Variants in AGBL1 observed in about 807,000 individuals in gnomAD.
AGBL1 encodes the protein AGBL carboxypeptidase 1.
A neutral mutation model predicts 118.9 loss-of-function variants in AGBL1; 130 were observed. The ratio of observed to expected loss-of-function variants is 1.09; its 90% CI spans 0.95 to 1.26. The LOEUF is 1.26. Among genes scored for constraint, AGBL1 ranks in the 50% most tolerant of loss-of-function variants. The pLI is 0.00. For synonymous variants in AGBL1, 555 were observed against 478.9 expected (o/e 1.16, Z -2.08); for missense variants, 1,584 against 1,298.1 (o/e 1.22, Z -3.38).
intron 7 of AGBL1, among the ~76,000 whole-genome samples, chr15:86,256,604 A>C (rs550791479): frequency 5.9e-5 from 9 of 152,348 alleles, no homozygotes; most frequent in African/African-American, 2.2e-4. Context: ...AATTCATTGC[A>C]GTGATGTATG....
At chr15:86,257,586 C>T (rs566866517) in intron 8 of AGBL1, among the ~76,000 whole-genome samples, 1 of 152,302 alleles carries the variant, frequency 6.6e-6, no homozygotes, top group East Asian at 1.9e-4. Context: ...ATTAGGGGCT[C>T]AATCAAGGTG....
chr15:86,824,827 G>A (rs1218559864), intron 22 of AGBL1, among the ~76,000 whole-genome samples: 1 of 152,082 alleles, frequency 6.6e-6, no homozygotes, highest in Non-Finnish European at 1.5e-5. Context: ...GGAGGCCGAG[G>A]CAGGTGGATC....
At chr15:86,605,363 C>A (rs2084560874) in intron 21 of AGBL1, among the ~76,000 whole-genome samples, 1 of 151,880 alleles carries the variant, frequency 6.6e-6, no homozygotes, top group South Asian at 2.1e-4. Context: ...AATCAGCATG[C>A]TTTGCTTTTT....
At chr15:86,194,109 G>A (rs982617902) in intron 5 of AGBL1, among the ~76,000 whole-genome samples, 1 of 152,158 alleles carries the variant, frequency 6.6e-6, no homozygotes, top group Non-Finnish European at 1.5e-5. Context: ...CTGTTGGAAC[G>A]ACTCATTTTG....
rs547124236 is a variant in AGBL1 at position 86,295,515 on chromosome 15, G to A, written c.2374+107G>A. 1.6e-3 allele frequency: 1,938 copies of A among 1,201,248 alleles called. 7 individuals carry two copies. The highest frequency in any genetic ancestry group is 0.011 in the South Asian group (597 of 54,390). 74.4% of individuals were successfully genotyped at this position (1,201,248 alleles called of 1,614,324 possible). A position where few individuals can be genotyped will look rare whatever the true frequency, so the allele number is the denominator to read the frequency against. ...ATCAAAAGCTCCATAAAGGGTTGGAGACTGTCTGTCTTTGTAGAAATACAC... is the reference window on the plus strand; with the variant it reads ...ATCAAAAGCTCCATAAAGGGTTGGAAACTGTCTGTCTTTGTAGAAATACAC... On this transcript the variant is annotated intron_variant, in intron 17 of 22. Transcript: ENST00000614907.
intron 22 of AGBL1, among the ~76,000 whole-genome samples, chr15:86,861,678 A>G (rs952757517): frequency 2.6e-5 from 4 of 152,236 alleles, no homozygotes; most frequent in African/African-American, 9.6e-5. Context: ...ATGTGCTGGC[A>G]TATAGTGAGG....
intron 13 of AGBL1, among the ~76,000 whole-genome samples, chr15:86,268,660 T>C (rs1007308015): frequency 3.3e-5 from 5 of 152,190 alleles, no homozygotes; most frequent in Non-Finnish European, 7.3e-5. Context: ...GCAGACAATT[T>C]GAGGGTCATA....
chr15:86,091,468 T>C (rs1896020906), intron 1 of AGBL1, among the ~76,000 whole-genome samples: 1 of 152,220 alleles, frequency 6.6e-6, no homozygotes. Flanking sequence ...AGCTGTAACA[T>C]GTTTAGCTAT....
chr15:86,471,238 AC>A (rs1299727132), intron 18 of AGBL1, among the ~76,000 whole-genome samples: 4 of 152,122 alleles, frequency 2.6e-5, no homozygotes, highest in Admixed American at 2.6e-4. Flanking sequence ...TAATTGGTTG[AC>A]TGGTTCTATC....
At chr15:87,018,538 A>G (rs375794460) in intron 24 of AGBL1, among the ~76,000 whole-genome samples, 30 of 152,218 alleles carry the variant, frequency 2.0e-4, no homozygotes, top group African/African-American at 7.2e-4. Context: ...GAGATATAAG[A>G]TCTTCTTTGG....
intron 5 of AGBL1, among the ~76,000 whole-genome samples, chr15:86,198,370 A>T (rs747055953): frequency 6.6e-6 from 1 of 152,188 alleles, no homozygotes; most frequent in Non-Finnish European, 1.5e-5. Context: ...TAATTAGATG[A>T]GAATTTGGAC....
At chr15:86,118,681 A>G (rs1470148273) in intron 1 of AGBL1, among the ~76,000 whole-genome samples, 1 of 151,804 alleles carries the variant, frequency 6.6e-6, no homozygotes, top group Admixed American at 6.6e-5. Context: ...GTGATGGGGC[A>G]GGAAATAGGA....
In AGBL1 at chr15:86,730,649, T is replaced by C. The variant is rs368856317; in HGVS notation, c.3158+56213T>C. 2.6e-5 allele frequency among the ~76,000 whole-genome samples: 4 copies of C among 152,176 alleles called. No homozygotes were observed. The East Asian group carries it at 7.7e-4, about 29-fold the overall frequency. Reference sequence around the variant, plus strand: ...CTATGTGTCCCCATGTTTCTGGACATGAAATTCTTCATTTGTCATCTGGCA... The same window carrying C: ...CTATGTGTCCCCATGTTTCTGGACACGAAATTCTTCATTTGTCATCTGGCA... On this transcript the variant is annotated intron_variant, in intron 22 of 22. Coordinates refer to ENST00000614907, the MANE Select transcript of AGBL1 (RefSeq NM_001386094.1).
chr15:86,505,681 T>C (rs1382346226), intron 18 of AGBL1, among the ~76,000 whole-genome samples: 2 of 152,062 alleles, frequency 1.3e-5, no homozygotes, highest in Admixed American at 6.6e-5. Flanking sequence ...TTTCTTTTAG[T>C]TCTTCAGACC....
intron 22 of AGBL1, among the ~76,000 whole-genome samples, chr15:86,889,168 T>C (rs2080014487): frequency 1.3e-5 from 2 of 152,110 alleles, no homozygotes; most frequent in African/African-American, 4.8e-5. Flanking sequence ...TGTGGCTTAG[T>C]TGACATCCAG....
At chr15:86,711,085 G>A (rs2086548125) in intron 22 of AGBL1, among the ~76,000 whole-genome samples, 1 of 152,134 alleles carries the variant, frequency 6.6e-6, no homozygotes, top group African/African-American at 2.4e-5. Flanking sequence ...GGAGTTTGGG[G>A]AAGCAAATAC....
At chr15:86,386,821 C>T (rs2081203751) in intron 17 of AGBL1, among the ~76,000 whole-genome samples, 1 of 152,138 alleles carries the variant, frequency 6.6e-6, no homozygotes. Flanking sequence ...GACTTTAACT[C>T]TTTCACCACA....
intron 18 of AGBL1, among the ~76,000 whole-genome samples, chr15:86,418,674 G>A (rs1361469002): frequency 6.6e-6 from 1 of 152,148 alleles, no homozygotes; most frequent in Non-Finnish European, 1.5e-5. Context: ...AGCTAAGGGT[G>A]GGCTAAGCCA....
chr15:86,250,523 CTCAAAAAAAAAA>C, intron 7 of AGBL1, among the ~76,000 whole-genome samples: 2 of 44,532 alleles, frequency 4.5e-5, no homozygotes, highest in Non-Finnish European at 8.0e-5. Context: ...AAGACTCTGT[CTCAAAAAAAAAA>C]AAAAAAAAAA....
Sources: allele counts gnomAD v4.1 joint callset (sites outside exome capture counted in the v4.1 genomes callset), GRCh38; gene constraint gnomAD v4.1.1; transcripts MANE v1.5; gene names NCBI Gene and HGNC (gene_info 2026-07-23, HGNC 2026-07-21).